DLGAP2: variants seen among roughly 807,000 people sequenced by gnomAD.
DLGAP2 encodes DLG associated protein 2.
Under a neutral mutation model 100.3 loss-of-function variants are expected in DLGAP2, and 26 were observed. The observed-to-expected ratio is 0.26, with a 90% CI of 0.19 to 0.36. The LOEUF is 0.36. Among genes scored for constraint, DLGAP2 ranks in the 10% least tolerant of loss-of-function variants. The probability of loss-of-function intolerance (pLI) is 1.00; values close to 1 mark genes in which losing one functional copy is unlikely to be tolerated. For missense variants in DLGAP2, 1,858 were observed against 1,453.2 expected (o/e 1.28, Z -4.53); for synonymous variants, 886 against 630.1 (o/e 1.41, Z -6.08).
intron 3 of DLGAP2, among the ~76,000 whole-genome samples, chr8:1,382,937 G>T (rs534274740): frequency 1.3e-5 from 2 of 152,180 alleles, no homozygotes; most frequent in African/African-American, 4.8e-5. Context: ...GTGTGTGTGT[G>T]TAGAGAGAGA....
chr8:1,232,373 G>T (rs922607848), intron 2 of DLGAP2, among the ~76,000 whole-genome samples: 1 of 152,244 alleles, frequency 6.6e-6, no homozygotes, highest in Non-Finnish European at 1.5e-5. Context: ...AACATGAGCA[G>T]TCCTCTGTCC....
chr8:1,228,581 A>G (rs557696946), intron 2 of DLGAP2, among the ~76,000 whole-genome samples: 2 of 152,358 alleles, frequency 1.3e-5, no homozygotes, highest in East Asian at 3.9e-4. Flanking sequence ...TGAATCCAGC[A>G]ACATAGAACA....
At chr8:1,659,163 C>A (rs1664487756) in intron 8 of DLGAP2, among the ~76,000 whole-genome samples, 1 of 152,188 alleles carries the variant, frequency 6.6e-6, no homozygotes, top group Admixed American at 6.5e-5. Flanking sequence ...GAGTGAGTTT[C>A]TTAATCCTGA....
intron 4 of DLGAP2, among the ~76,000 whole-genome samples, chr8:1,520,259 G>C (rs1436450178): frequency 6.6e-6 from 1 of 152,168 alleles, no homozygotes; most frequent in East Asian, 1.9e-4. Flanking sequence ...GGTTCACAGA[G>C]GGAAGAAGAT....
At position 1,134,321 on chromosome 8, in the gene DLGAP2, C is replaced by G. The variant is rs1191174660; in HGVS notation, c.74-124530C>G. Among the ~76,000 whole-genome samples, 4 of 152,096 alleles carry G rather than the reference C, an allele frequency of 2.6e-5. No homozygotes were observed. The East Asian group carries it at 7.7e-4, about 29-fold the overall frequency. On this transcript the variant is annotated intron_variant, in intron 2 of 14. Coordinates refer to ENST00000637795, the MANE Select transcript of DLGAP2 (RefSeq NM_001346810.2). ...ACGTGCATGTGTCTTAGTGGTAGAA[C>G]GATGTATATTCCTTTGGGTTTATAC...
intron 3 of DLGAP2, among the ~76,000 whole-genome samples, chr8:1,344,419 C>T (rs529091151): frequency 6.6e-6 from 1 of 152,318 alleles, no homozygotes; most frequent in East Asian, 1.9e-4. Context: ...AGCAGCTGCT[C>T]TCCAGATTAG....
At chr8:928,118 C>G (rs774120311) in intron 2 of DLGAP2, among the ~76,000 whole-genome samples, 27 of 152,184 alleles carry the variant, frequency 1.8e-4, no homozygotes, top group Non-Finnish European at 2.5e-4. Context: ...GGGCGCCAGC[C>G]TGAAGCCACC....
intron 3 of DLGAP2, among the ~76,000 whole-genome samples, chr8:1,407,266 ACTG>A (rs1221640650): frequency 3.8e-5 from 1 of 26,322 alleles, no homozygotes; most frequent in Admixed American, 3.0e-4. Context: ...TTGAGTGCTT[ACTG>A]AGCGCCACCT....
intron 3 of DLGAP2, among the ~76,000 whole-genome samples, chr8:1,327,993 G>T (rs941928400): frequency 6.6e-6 from 1 of 152,188 alleles, no homozygotes; most frequent in Admixed American, 6.5e-5. Context: ...GAGCCCTTTA[G>T]ACTTCATGGG....
intron 2 of DLGAP2, among the ~76,000 whole-genome samples, chr8:966,565 C>A (rs1213797122): frequency 6.6e-6 from 1 of 152,062 alleles, no homozygotes; most frequent in Non-Finnish European, 1.5e-5. Context: ...TAAAAAATGA[C>A]AATGGATGAA....
At chr8:1,273,075 C>T (rs1799614800) in intron 3 of DLGAP2, among the ~76,000 whole-genome samples, 1 of 152,126 alleles carries the variant, frequency 6.6e-6, no homozygotes, top group South Asian at 2.1e-4. Context: ...GGTCCGGGTC[C>T]TGAATTTTTA....
intron 3 of DLGAP2, among the ~76,000 whole-genome samples, chr8:1,462,305 G>A (rs1798483006): frequency 1.1e-5 from 1 of 90,658 alleles, no homozygotes; most frequent in African/African-American, 4.1e-5. Flanking sequence ...GAGGTAGAAG[G>A]GTGGCATTTG....
intron 3 of DLGAP2, among the ~76,000 whole-genome samples, chr8:1,390,727 G>A (rs969603634): frequency 9.2e-5 from 14 of 152,140 alleles, no homozygotes; most frequent in African/African-American, 2.7e-4. Context: ...TTCATTTGGC[G>A]GAGGGCTCTG....
chr8:1,135,424 C>T (rs115019157), intron 2 of DLGAP2, among the ~76,000 whole-genome samples: 2,022 of 145,800 alleles, frequency 0.014, 20 homozygotes, highest in African/African-American at 0.029. Context: ...AGTGGAGAGG[C>T]GGAAATGGTT....
chr8:1,298,943 G>A (rs1458110731), intron 3 of DLGAP2, among the ~76,000 whole-genome samples: 3 of 152,048 alleles, frequency 2.0e-5, no homozygotes, highest in African/African-American at 7.2e-5. Flanking sequence ...GGCCAGGGTC[G>A]AGCTGCGGCA....
chr8:1,691,810 G>T (rs1449776695), intron 13 of DLGAP2, among the ~76,000 whole-genome samples, 184 bp downstream of exon 13: 1 of 151,678 alleles, frequency 6.6e-6, no homozygotes, highest in African/African-American at 2.4e-5. Context: ...GTTTAAACGC[G>T]GTACCGAGGC....
rs112775111 is a variant in DLGAP2, at chr8:1,660,704, T to C, written c.1811-7625T>C. Among the ~76,000 whole-genome samples, 642 of 152,352 alleles carry C rather than the reference T, an allele frequency of 4.2e-3. 5 individuals carry two copies. Among genetic ancestry groups the C allele is most frequent in the African/African-American group, 0.014 (597 of 41,580 alleles). Reference sequence around the variant, plus strand: ...CAAAGGGACTTACATGGACAAGTGATTAATATTTTTAGGGGATTAAAAATA... The same window carrying C: ...CAAAGGGACTTACATGGACAAGTGACTAATATTTTTAGGGGATTAAAAATA... On this transcript the variant is annotated intron_variant, in intron 8 of 14. Coordinates refer to ENST00000637795, the MANE Select transcript of DLGAP2 (RefSeq NM_001346810.2).
intron 2 of DLGAP2, among the ~76,000 whole-genome samples, chr8:999,291 G>A (rs983403432): frequency 3.3e-5 from 5 of 151,574 alleles, no homozygotes; most frequent in Non-Finnish European, 5.9e-5. Context: ...GGCTGTGCCT[G>A]TGACCCTTCC....
chr8:1,194,596 C>A (rs1370738292), intron 2 of DLGAP2, among the ~76,000 whole-genome samples: 1 of 152,186 alleles, frequency 6.6e-6, no homozygotes, highest in Non-Finnish European at 1.5e-5. Context: ...CCCACGCCTG[C>A]CTGTTCAGCA....
Sources: gnomAD v4.1 joint callset for allele counts (sites outside exome capture counted in the v4.1 genomes callset) on GRCh38, gnomAD v4.1.1 for gene constraint, MANE v1.5 for transcripts, NCBI Gene and HGNC (gene_info 2026-07-23, HGNC 2026-07-21) for gene names.